The following RASGEF1C variants were observed in gnomAD, a reference collection of about 807,000 sequenced individuals.
The protein encoded by RASGEF1C is ras-GEF domain-containing family member 1C.
In RASGEF1C, 27 loss-of-function variants were observed where a neutral mutation model predicts 58.1. The ratio of observed to expected loss-of-function variants is 0.46; its 90% confidence interval spans 0.34 to 0.64. RASGEF1C has a LOEUF of 0.64. RASGEF1C is among the 30% of genes least tolerant of loss of function. RASGEF1C has a pLI of 0.01. For missense variants in RASGEF1C, 502 were observed against 605.1 expected (o/e 0.83, Z 1.79); for synonymous variants, 243 against 246.3 (o/e 0.99, Z 0.13).
At chr5:180,141,006 A>C (rs1262003039) in intron 1 of RASGEF1C, among the ~76,000 whole-genome samples, 13 of 152,176 alleles carry the variant, frequency 8.5e-5, no homozygotes, top group Admixed American at 5.9e-4. Context: ...GTGTGCAAAA[A>C]CAGCCATGTA....
At chr5:180,123,330 T>C (rs1433497564) in intron 6 of RASGEF1C, among the ~76,000 whole-genome samples, 3 of 152,126 alleles carry the variant, frequency 2.0e-5, no homozygotes, top group African/African-American at 7.2e-5. Flanking sequence ...CTTAGGGAGA[T>C]TGAAAAAGAA....
At chr5:180,151,832 T>C (rs1418978807) in intron 1 of RASGEF1C, among the ~76,000 whole-genome samples, 3 of 150,138 alleles carry the variant, frequency 2.0e-5, no homozygotes, top group African/African-American at 7.3e-5. Context: ...GACAAAGGGC[T>C]AATATCCAGA....
chr5:180,181,382 C>T (rs990386164), intron 1 of RASGEF1C, among the ~76,000 whole-genome samples: 3 of 152,214 alleles, frequency 2.0e-5, no homozygotes, highest in Admixed American at 2.0e-4. Context: ...AAACAGATGA[C>T]TGAAGTCCTC....
At chr5:180,119,144 TG>T (rs2113253588) in intron 8 of RASGEF1C, among the ~76,000 whole-genome samples, 1 of 152,350 alleles carries the variant, frequency 6.6e-6, no homozygotes, top group South Asian at 2.1e-4. Context: ...CCGAGGGGGC[TG>T]GGCTTGCCTC....
In RASGEF1C at chr5:180,136,528, G is replaced by A. The variant is rs201217573; in HGVS notation, c.301-13C>T. The stretch of plus-strand genomic sequence containing the variant: ...TCCGGACCCGGGCCTACGGGCAAGC[G>A]AGGGGCACCGCGCTCGTGAGGGGCG... On this transcript the variant is annotated splice_polypyrimidine_tract_variant and intron_variant, in intron 3 of 13. Coordinates refer to ENST00000361132, the MANE Select transcript of RASGEF1C (RefSeq NM_175062.4). 3 of 1,569,208 alleles carry A rather than the reference G, an allele frequency of 1.9e-6. No individual in the cohort carries two copies. The highest frequency in any genetic ancestry group is 2.7e-5 in the African/African-American group (2 of 73,992).
intron 1 of RASGEF1C, among the ~76,000 whole-genome samples, chr5:180,176,715 C>CA (rs1767232190): frequency 6.6e-6 from 1 of 152,116 alleles, no homozygotes; most frequent in Admixed American, 6.6e-5. Context: ...TGCCACCATG[C>CA]CCGGCTAATT....
In RASGEF1C at chr5:180,197,137, A is replaced by T. The variant is rs1400899609; in HGVS notation, c.-7+11891T>A. ...GCCTCCTTGGTCCCTCTGCAGCACG[A>T]TCCCCTTCCTGGAGAGTCCCATCTG... On this transcript the variant is annotated intron_variant, in intron 1 of 13. Coordinates refer to ENST00000361132, the MANE Select transcript of RASGEF1C (RefSeq NM_175062.4). The surrounding 1 kb of genome is among the most constrained non-coding windows in gnomAD (Gnocchi z 4.7). Among the ~76,000 whole-genome samples, 1 of 152,198 alleles carries T rather than the reference A, an allele frequency of 6.6e-6. No individual in the cohort carries two copies. The highest frequency in any genetic ancestry group is 6.5e-5 in the Admixed American group (1 of 15,278).
intron 1 of RASGEF1C, among the ~76,000 whole-genome samples, chr5:180,183,461 A>T (rs979062696): frequency 1.7e-4 from 23 of 136,844 alleles, no homozygotes; most frequent in African/African-American, 6.4e-4. Flanking sequence ...CTAGAATCAT[A>T]AAAAAAAACC....
intron 10 of RASGEF1C, among the ~76,000 whole-genome samples, chr5:180,114,898 C>T (rs1766037411): frequency 6.6e-6 from 1 of 152,250 alleles, no homozygotes; most frequent in Non-Finnish European, 1.5e-5. Flanking sequence ...TAGGTCTCCA[C>T]TACCCCCATC....
rs1756554794 is a variant in RASGEF1C, at chr5:180,209,122, G to GA, written c.-102_-101insT. ...GACCGGGGCGCCGCCCGCCGCCGCC[G>GA]CCGCCGCCGCCGCCGCCGCCGCCGC... On this transcript the variant is annotated 5_prime_UTR_variant, in exon 1 of 14. Coordinates refer to ENST00000361132, the MANE Select transcript of RASGEF1C (RefSeq NM_175062.4). The GA allele has an allele frequency of 1.5e-4, 1 of 6,752 alleles. No homozygotes were observed. Among genetic ancestry groups the GA allele is most frequent in the Non-Finnish European group, 3.9e-4 (1 of 2,572 alleles). 0.4% of individuals were successfully genotyped at this position (6,752 alleles called of 1,614,324 possible). A position where few individuals can be genotyped will look rare whatever the true frequency, so the allele number is the denominator to read the frequency against.
rs1650986536 is a variant in RASGEF1C at position 180,137,226 on chromosome 5, A to G, written c.300+364T>C. ...AGAGCCCTACCGACGCGTGTGCAAT[A>G]GAGGCAGCCCGCAGGACCCGGCCAG... On this transcript the variant is annotated intron_variant, in intron 3 of 13. Transcript: ENST00000361132. This position sits in a 1 kb window ranked among gnomAD's most constrained non-coding sequence, Gnocchi z 4.1. Among the ~76,000 whole-genome samples the G allele has an allele frequency of 6.6e-6, 1 of 152,122 alleles. No individual in the cohort carries two copies. The highest frequency in any genetic ancestry group is 2.4e-5 in the African/African-American group (1 of 41,428).
chr5:180,167,165 C>T (rs1315314480), intron 1 of RASGEF1C, among the ~76,000 whole-genome samples: 1 of 151,998 alleles, frequency 6.6e-6, no homozygotes, highest in African/African-American at 2.4e-5. Flanking sequence ...TTTTTCTGTG[C>T]CGCACTCTTT....
At chr5:180,199,746 C>T (rs1418153622) in intron 1 of RASGEF1C, among the ~76,000 whole-genome samples, 2 of 141,728 alleles carry the variant, frequency 1.4e-5, no homozygotes, top group Non-Finnish European at 3.1e-5. Flanking sequence ...TGTTCTGTAG[C>T]CTTGAACCCC....
intron 1 of RASGEF1C, among the ~76,000 whole-genome samples, chr5:180,174,718 G>C (rs1767195143): frequency 6.6e-6 from 1 of 152,086 alleles, no homozygotes; most frequent in Non-Finnish European, 1.5e-5. Context: ...CCCCTCTCTG[G>C]GCTGTGGTCC....
intron 1 of RASGEF1C, among the ~76,000 whole-genome samples, chr5:180,184,805 G>A (rs1756000587): frequency 1.3e-5 from 2 of 152,188 alleles, no homozygotes; most frequent in Admixed American, 6.5e-5. Flanking sequence ...GGATAGTAAA[G>A]AAGGCCATTC....
chr5:180,101,294 T>G lies in RASGEF1C; in HGVS notation c.*207A>C. On this transcript the variant is annotated 3_prime_UTR_variant, in exon 14 of 14. Coordinates refer to ENST00000361132, the MANE Select transcript of RASGEF1C (RefSeq NM_175062.4). ...GTGCCGCCCGCACGTCTGGAGGCCC[T>G]GGGTCCTGCCAGGGCCAAAGTCCCA... 1 of 593,894 alleles carries G rather than the reference T, an allele frequency of 1.7e-6. No homozygotes were observed. Among genetic ancestry groups the G allele is most frequent in the South Asian group, 2.1e-5 (1 of 48,640 alleles). 36.8% of individuals were successfully genotyped at this position (593,894 alleles called of 1,614,324 possible).
intron 1 of RASGEF1C, among the ~76,000 whole-genome samples, chr5:180,173,905 T>G: frequency 9.0e-6 from 1 of 111,232 alleles, no homozygotes; most frequent in South Asian, 3.6e-4. Context: ...AGAGCGAGAC[T>G]GTCTCAAAAC....
Position 180,177,250 on chromosome 5 carries a change from G to A in RASGEF1C, c.-7+31778C>T, listed in dbSNP as rs1473427333. ...ATGTGCACATCAGCCCCTCAGCCCCGAAGCCAGGGGCTGCTTTCCCTTTCC... is the reference window on the plus strand; with the variant it reads ...ATGTGCACATCAGCCCCTCAGCCCCAAAGCCAGGGGCTGCTTTCCCTTTCC... On this transcript the variant is annotated intron_variant, in intron 1 of 13. Coordinates refer to ENST00000361132, the MANE Select transcript of RASGEF1C (RefSeq NM_175062.4). This position sits in a 1 kb window ranked among gnomAD's most constrained non-coding sequence, Gnocchi z 5.0. Among the ~76,000 whole-genome samples, 1 of 152,284 alleles carries A rather than the reference G, an allele frequency of 6.6e-6. No homozygotes were observed. Among genetic ancestry groups the A allele is most frequent in the East Asian group, 1.9e-4 (1 of 5,184 alleles).
chr5:180,113,094 A>AT (rs1203156820), intron 11 of RASGEF1C, among the ~76,000 whole-genome samples: 2 of 133,726 alleles, frequency 1.5e-5, no homozygotes, highest in African/African-American at 2.9e-5. Flanking sequence ...GGACAGAGGG[A>AT]CTGGGGATGG....
Sources: allele counts gnomAD v4.1 joint callset (sites outside exome capture counted in the v4.1 genomes callset), GRCh38; gene constraint gnomAD v4.1.1; non-coding constraint Gnocchi (gnomAD v3.1); transcripts MANE v1.5; gene names NCBI Gene and HGNC (gene_info 2026-07-23, HGNC 2026-07-21).